The following SMPDL3A variants were observed in gnomAD, a reference collection of about 807,000 sequenced individuals.
SMPDL3A encodes sphingomyelin phosphodiesterase acid like 3A, also known as cyclic GMP-AMP phosphodiesterase SMPDL3A.
In SMPDL3A, 39 loss-of-function variants were observed where a neutral mutation model predicts 38.5. The ratio of observed to expected loss-of-function variants is 1.01; its 90% CI spans 0.78 to 1.32. The LOEUF is 1.32. Among genes scored for constraint, SMPDL3A ranks in the 40% most tolerant of loss-of-function variants. The pLI is 0.00. For synonymous variants in SMPDL3A, 180 were observed against 194.3 expected, an observed-to-expected ratio of 0.93 and a Z score of 0.61; for missense variants, 502 against 536.2, an observed-to-expected ratio of 0.94 and a Z score of 0.63.
rs758759528 is a variant in SMPDL3A, at chr6:122,809,278, T to C, written c.1232T>C (p.Phe411Ser). The change falls in exon 8 of 8, where the codon TTT becomes TCT. Residue 411 changes from phenylalanine to serine, a missense_variant. Physicochemically the swap from Phe to Ser is radical, Grantham distance 155. Coordinates refer to ENST00000368440, the MANE Select transcript of SMPDL3A (RefSeq NM_006714.5). ...TTTATAAAATACTACAATTACTTCT[T>C]TGTGAGTTATGACAGCAGTGTAACA... ...KQFIKYYNYF[F>S]VSYDSSVTCD... 5 of 1,614,050 alleles carry C rather than the reference T, an allele frequency of 3.1e-6. No homozygotes were observed. The East Asian group carries it at 1.1e-4, about 36-fold the overall frequency.
chr6:122,794,816 T>G (rs1207075871), intron 1 of SMPDL3A, among the ~76,000 whole-genome samples: 1 of 152,176 alleles, frequency 6.6e-6, no homozygotes, highest in African/African-American at 2.4e-5. Flanking sequence ...GGCTTAAAGC[T>G]TGTATTAGAG....
intron 3 of SMPDL3A, among the ~76,000 whole-genome samples, chr6:122,800,277 A>G (rs909478908): frequency 1.3e-5 from 2 of 152,254 alleles, no homozygotes; most frequent in East Asian, 3.8e-4. Flanking sequence ...GTTATTTAAA[A>G]AATCAAAATA....
chr6:122,790,961 A>G (rs1327121760), intron 1 of SMPDL3A, among the ~76,000 whole-genome samples: 3 of 152,174 alleles, frequency 2.0e-5, no homozygotes, highest in Non-Finnish European at 4.4e-5. Flanking sequence ...CTGAAGTGTT[A>G]CTGGAGTCAC....
In SMPDL3A at chr6:122,795,889, G is replaced by A. The variant is rs746954879; in HGVS notation, c.325G>A (p.Gly109Arg). 3.1e-6 allele frequency: 5 copies of A among 1,598,132 alleles called. No homozygotes were observed. The highest frequency in any genetic ancestry group is 3.4e-6 in the Non-Finnish European group (4 of 1,165,966). Residue 109 changes from glycine (G) to arginine (R), a missense_variant and splice_region_variant, in exon 2 of 8, where the codon GGG (glycine) becomes AGG (arginine). Physicochemically the swap from Gly to Arg is moderately radical, Grantham distance 125. Coordinates refer to ENST00000368440, the MANE Select transcript of SMPDL3A (RefSeq NM_006714.5). Reference sequence around the variant, plus strand: ...AGAAGCATCTTTCATGATATGGACAGGGTAAGTGATTATACAAGTACCATT... The same window carrying A: ...AGAAGCATCTTTCATGATATGGACAAGGTAAGTGATTATACAAGTACCATT... ...GQEASFMIWTGDSPPHVPVPE... is the reference protein window; with the variant it reads ...GQEASFMIWTRDSPPHVPVPE...
intron 1 of SMPDL3A, among the ~76,000 whole-genome samples, chr6:122,792,893 G>A (rs145590060): frequency 6.6e-6 from 1 of 152,244 alleles, no homozygotes; most frequent in Admixed American, 6.5e-5. Flanking sequence ...CTGTTTTCAT[G>A]TGAGGCAAGT....
chr6:122,808,618 C>A (rs1383354886), intron 7 of SMPDL3A, among the ~76,000 whole-genome samples: 81 of 90,286 alleles, frequency 9.0e-4, no homozygotes, highest in Middle Eastern at 0.011. Context: ...TCCCTTCCTT[C>A]CTTCCTTCCT....
intron 3 of SMPDL3A, 39 bp downstream of exon 3, chr6:122,797,007 T>A: frequency 3.2e-6 from 5 of 1,576,572 alleles, no homozygotes; most frequent in Non-Finnish European, 4.3e-6. Flanking sequence ...TAAAGAATTT[T>A]TCCTATTAGT....
In SMPDL3A at chr6:122,795,861, AC is replaced by A; in HGVS notation, c.298del (p.Gln100LysfsTer6). On this transcript the variant is annotated frameshift_variant, in exon 2 of 8. Transcript: ENST00000368440. LOFTEE classifies it high-confidence loss of function. ...SAFDFIKNSG[Q>X]EASFMIWTGD... ...CATTTGATTTTATTAAAAATTCTGG[AC>A]AAGAAGCATCTTTCATGATATGGAC... 6.2e-7 allele frequency: 1 copy of A among 1,613,424 alleles called. No individual in the cohort carries two copies. The highest frequency in any genetic ancestry group is 8.5e-7 in the Non-Finnish European group (1 of 1,179,370).
intron 3 of SMPDL3A, 100 bp from the exon 4 acceptor site, chr6:122,801,210 T>G: frequency 1.3e-6 from 1 of 780,866 alleles, no homozygotes; most frequent in South Asian, 1.6e-5. Context: ...TCCTTGCATC[T>G]CTAGATGCCT....
At chr6:122,803,020 G>C (rs1378610608) in intron 4 of SMPDL3A, among the ~76,000 whole-genome samples, 3 of 152,240 alleles carry the variant, frequency 2.0e-5, no homozygotes, top group Non-Finnish European at 4.4e-5. Context: ...TAAAGGGGCA[G>C]TGATCCATCA....
In SMPDL3A at chr6:122,803,730, T is replaced by G; in HGVS notation, c.635T>G (p.Leu212Trp). The stretch of plus-strand genomic sequence containing the variant: ...AGGATCATCAGTCTAAACACAAACT[T>G]GTACTACGGCCCAAATATAATGACA... ...NLRIISLNTNLYYGPNIMTLN... is the reference protein window; with the variant it reads ...NLRIISLNTNWYYGPNIMTLN... Residue 212 changes from leucine to tryptophan, a missense_variant, in exon 5 of 8, where the codon TTG (leucine) becomes TGG (tryptophan). Physicochemically the swap from Leu to Trp is moderately conservative, Grantham distance 61. Coordinates refer to ENST00000368440, the MANE Select transcript of SMPDL3A (RefSeq NM_006714.5). The G allele has an allele frequency of 6.2e-7, 1 of 1,613,944 alleles. No individual in the cohort carries two copies. Among genetic ancestry groups the G allele is most frequent in the East Asian group, 2.2e-5 (1 of 44,880 alleles).
At position 122,804,785 on chromosome 6, in the gene SMPDL3A, G is replaced by T. The variant is rs1205603086; in HGVS notation, c.739-124G>T. The T allele has an allele frequency of 4.1e-6, 3 of 736,968 alleles. No homozygotes were observed. The Admixed American group carries it at 8.9e-5, about 22-fold the overall frequency. The allele number at this position is 736,968 out of a possible 1,614,324, so 45.7% of individuals were successfully genotyped here. ...ATCTCTTTTTCTTATAAATAGAAGA[G>T]ATGATATATTTGCTTTCTAAATTTT... On this transcript the variant is annotated intron_variant, in intron 5 of 7. Transcript: ENST00000368440.
chr6:122,808,968 A>G, intron 7 of SMPDL3A, 123 bp from the exon 8 acceptor site: 1 of 757,100 alleles, frequency 1.3e-6, no homozygotes, highest in Non-Finnish European at 2.2e-6. Flanking sequence ...TGCTAGGATT[A>G]CAGGCGTGAG....
chr6:122,809,274 T>C lies in SMPDL3A; in HGVS notation c.1228T>C (p.Phe410Leu). 2 of 1,614,108 alleles carry C rather than the reference T, an allele frequency of 1.2e-6. No homozygotes were observed. The highest frequency in any genetic ancestry group is 1.7e-6 in the Non-Finnish European group (2 of 1,179,936). The change falls in exon 8 of 8, where the codon TTC (phenylalanine) becomes CTC (leucine). Residue 410 changes from phenylalanine (F) to leucine (L), a missense_variant. By Grantham distance (22) the Phe-to-Leu change is conservative (BLOSUM62 0). Coordinates refer to ENST00000368440, the MANE Select transcript of SMPDL3A (RefSeq NM_006714.5). ...SKQFIKYYNY[F>L]FVSYDSSVTC... is the part of the protein sequence containing the mutation. ...GCAGTTTATAAAATACTACAATTAC[T>C]TCTTTGTGAGTTATGACAGCAGTGT...
At position 122,796,941 on chromosome 6, in the gene SMPDL3A, G is replaced by C; in HGVS notation, c.444G>C (p.Ala148=). ...TTCCAAATCTCCAGGTTTTCCCTGC[G>C]CTGGGTAATCATGACTATTGGCCAC... ...SLFPNLQVFP[A]LGNHDYWPQD... is the part of the protein sequence containing the mutation. The change falls in exon 3 of 8, where the codon GCG becomes GCC. Residue 148 remains alanine (A), a synonymous_variant. Transcript: ENST00000368440. The C allele has an allele frequency of 6.2e-7, 1 of 1,613,528 alleles. No individual in the cohort carries two copies. Among genetic ancestry groups the C allele is most frequent in the Non-Finnish European group, 8.5e-7 (1 of 1,179,720 alleles).
chr6:122,789,571 C>G (rs914212655), intron 1 of SMPDL3A, 113 bp downstream of exon 1: 8 of 1,027,332 alleles, frequency 7.8e-6, no homozygotes, highest in Non-Finnish European at 1.2e-5. Context: ...GAGGCTCGGG[C>G]TAGCGGGGCC....
At chr6:122,808,655 C>T (rs12207657) in intron 7 of SMPDL3A, among the ~76,000 whole-genome samples, 2 of 106,218 alleles carry the variant, frequency 1.9e-5, no homozygotes, top group African/African-American at 3.6e-5. Flanking sequence ...CCCCTCCTCC[C>T]CCCTCCCTCC....
chr6:122,794,465 CGTG>C (rs1781178303), intron 1 of SMPDL3A, among the ~76,000 whole-genome samples: 1 of 152,024 alleles, frequency 6.6e-6, no homozygotes, highest in Non-Finnish European at 1.5e-5. Context: ...GGTGTGGTGG[CGTG>C]CACCTGTAAT....
At chr6:122,809,064 A>C in intron 7 of SMPDL3A, 27 bp from the exon 8 acceptor site, 1 of 1,575,298 alleles carries the variant, frequency 6.3e-7, no homozygotes, top group Non-Finnish European at 8.7e-7. Flanking sequence ...AAAGTGAACC[A>C]GGTTTTGTTA....
Sources: allele counts gnomAD v4.1 joint callset (sites outside exome capture counted in the v4.1 genomes callset), GRCh38; gene constraint gnomAD v4.1.1; transcripts MANE v1.5; gene names NCBI Gene and HGNC (gene_info 2026-07-23, HGNC 2026-07-21).